The following TASP1 variants were observed in gnomAD, a reference collection of about 807,000 sequenced individuals.
The protein encoded by TASP1 is taspase 1, also known as threonine aspartase 1.
TASP1 carries 16 observed loss-of-function variants against 56.6 expected under a neutral mutation model. The observed-to-expected ratio is 0.28, with a 90% CI of 0.19 to 0.43. The LOEUF is 0.43. Among genes scored for constraint, TASP1 ranks in the 20% least tolerant of loss-of-function variants. The probability of loss-of-function intolerance (pLI) is 1.00; values close to 1 mark genes in which losing one functional copy is unlikely to be tolerated. For synonymous variants in TASP1, 179 were observed against 184.2 expected (o/e 0.97, Z 0.23); for missense variants, 393 against 511.6 (o/e 0.77, Z 2.24).
At chr20:13,614,919 C>A in intron 4 of TASP1, 1 of 429,666 alleles carries the variant, frequency 2.3e-6, no homozygotes. Flanking sequence ...TCCAGTACTA[C>A]CAAATTTGGC....
In TASP1 at chr20:13,540,244, A is replaced by G. The variant is rs551166455; in HGVS notation, c.676-6103T>C. On this transcript the variant is annotated intron_variant, in intron 8 of 13. Coordinates refer to ENST00000337743, the MANE Select transcript of TASP1 (RefSeq NM_017714.3). ...TTACAGAACACATCTCAAGGACTTC[A>G]AATATTAAATATTTAATGATAAGTA... Among the ~76,000 whole-genome samples the G allele has an allele frequency of 2.0e-5, 3 of 152,306 alleles. No homozygotes were observed. The East Asian group carries it at 5.8e-4, about 29-fold the overall frequency.
intron 2 of TASP1, among the ~76,000 whole-genome samples, chr20:13,625,794 C>T (rs1187041389): frequency 1.3e-5 from 2 of 152,232 alleles, no homozygotes; most frequent in African/African-American, 2.4e-5. Context: ...CACATCCTCT[C>T]ACCCACTAGA....
At chr20:13,358,809 G>A in the TASP1 span, among the ~76,000 whole-genome samples, 10 of 151,274 alleles carry the variant, frequency 6.6e-5, no homozygotes, top group African/African-American at 2.4e-4. Context: ...GACCACGCAG[G>A]GACGCCTGCC....
At chr20:13,581,395 A>G (rs981463209) in intron 5 of TASP1, among the ~76,000 whole-genome samples, 3 of 152,204 alleles carry the variant, frequency 2.0e-5, no homozygotes, top group Admixed American at 2.0e-4. Flanking sequence ...AATTCCTTTT[A>G]AAGAGTAAAC....
chr20:13,390,612 T>G (rs2041236020), intron 13 of TASP1, among the ~76,000 whole-genome samples, 160 bp from the exon 14 acceptor site: 1 of 152,216 alleles, frequency 6.6e-6, no homozygotes, highest in African/African-American at 2.4e-5. Flanking sequence ...CTTTAGTTAC[T>G]GAAAGATCGT....
chr20:13,632,650 G>C (rs1263254038), intron 1 of TASP1, among the ~76,000 whole-genome samples: 1 of 152,084 alleles, frequency 6.6e-6, no homozygotes, highest in Non-Finnish European at 1.5e-5. Context: ...AGTTCCACTG[G>C]ACTGGGAAAG....
At chr20:13,394,484 C>G (rs957861200) in intron 13 of TASP1, among the ~76,000 whole-genome samples, 1 of 151,694 alleles carries the variant, frequency 6.6e-6, no homozygotes, top group African/African-American at 2.4e-5. Flanking sequence ...TGGTGGCAGG[C>G]ACCTGTAGTC....
At chr20:13,173,124 G>A in the TASP1 span, among the ~76,000 whole-genome samples, 12 of 152,280 alleles carry the variant, frequency 7.9e-5, no homozygotes, top group African/African-American at 1.9e-4. Flanking sequence ...CCTGTATGAT[G>A]ATTGACTTAA....
the TASP1 span, among the ~76,000 whole-genome samples, chr20:13,156,981 A>T: frequency 6.6e-6 from 1 of 152,236 alleles, no homozygotes; most frequent in Non-Finnish European, 1.5e-5. Context: ...TATGTCAAAC[A>T]ATCTTGTTTC....
intron 11 of TASP1, among the ~76,000 whole-genome samples, chr20:13,472,241 C>A (rs1010535856): frequency 6.6e-6 from 1 of 150,776 alleles, no homozygotes; most frequent in African/African-American, 2.5e-5. Context: ...GGAAAGGATT[C>A]CCTATTTAAT....
intron 4 of TASP1, among the ~76,000 whole-genome samples, chr20:13,599,858 T>C (rs1049901439): frequency 6.6e-6 from 1 of 151,070 alleles, no homozygotes; most frequent in Non-Finnish European, 1.5e-5. Context: ...CTCAACCACA[T>C]AAAAACTTAT....
At chr20:13,117,235 A>G in the TASP1 span, among the ~76,000 whole-genome samples, 1 of 152,238 alleles carries the variant, frequency 6.6e-6, no homozygotes, top group Admixed American at 6.5e-5. Context: ...AATTGGATCA[A>G]TAATGCAGTG....
intron 4 of TASP1, among the ~76,000 whole-genome samples, chr20:13,591,026 C>G (rs1481484589): frequency 6.9e-6 from 1 of 143,974 alleles, no homozygotes; most frequent in East Asian, 2.0e-4. Context: ...AAATAAATGA[C>G]AAAGTGAAAA....
At chr20:13,229,447 C>T in the TASP1 span, among the ~76,000 whole-genome samples, 1 of 152,186 alleles carries the variant, frequency 6.6e-6, no homozygotes, top group African/African-American at 2.4e-5. Flanking sequence ...ATGTGCCTGG[C>T]TTCTCTCATT....
the TASP1 span, among the ~76,000 whole-genome samples, chr20:13,141,460 C>G: frequency 1.3e-5 from 2 of 152,194 alleles, no homozygotes; most frequent in Non-Finnish European, 2.9e-5. Context: ...AGAGTGTTCA[C>G]TGAATACAAA....
intron 10 of TASP1, among the ~76,000 whole-genome samples, chr20:13,510,913 T>C (rs1601061188): frequency 1.3e-5 from 2 of 152,196 alleles, no homozygotes; most frequent in African/African-American, 4.8e-5. Flanking sequence ...GTGTCAAGTT[T>C]AGTAGGATAC....
At chr20:13,463,218 T>C (rs749417864) in intron 11 of TASP1, among the ~76,000 whole-genome samples, 2 of 152,126 alleles carry the variant, frequency 1.3e-5, no homozygotes, top group Admixed American at 6.6e-5. Context: ...AACACTCATA[T>C]GTGTTTAATG....
chr20:13,229,897 C>T, the TASP1 span, among the ~76,000 whole-genome samples: 42 of 152,260 alleles, frequency 2.8e-4, no homozygotes, highest in East Asian at 2.3e-3. Context: ...ACTCATATTT[C>T]TTCTACCTCC....
chr20:13,204,528 C>T, the TASP1 span, among the ~76,000 whole-genome samples: 2 of 145,282 alleles, frequency 1.4e-5, no homozygotes, highest in East Asian at 2.1e-4. Context: ...TTTATATATT[C>T]ATATATATAT....
Sources: gnomAD v4.1 joint callset for allele counts (sites outside exome capture counted in the v4.1 genomes callset) on GRCh38, gnomAD v4.1.1 for gene constraint, MANE v1.5 for transcripts, NCBI Gene and HGNC (gene_info 2026-07-23, HGNC 2026-07-21) for gene names.